CCDC7: variants seen among roughly 807,000 people sequenced by gnomAD.
CCDC7 encodes coiled-coil domain containing 7, also known as coiled-coil domain-containing protein 7.
Under a neutral mutation model 196.9 loss-of-function variants are expected in CCDC7, and 183 were observed. The ratio of observed to expected loss-of-function variants is 0.93; its 90% CI spans 0.82 to 1.05. CCDC7 has a LOEUF of 1.05. Among genes scored for constraint, CCDC7 ranks in the 50% least tolerant of loss-of-function variants. The pLI, the probability that CCDC7 is intolerant of heterozygous loss-of-function variation, is 0.00. For missense variants in CCDC7, 1,540 were observed against 1,482.2 expected (o/e 1.04, Z -0.64); for synonymous variants, 525 against 484.6 (o/e 1.08, Z -1.10).
At chr10:32,548,922 A>G (rs888985525) in intron 13 of CCDC7, among the ~76,000 whole-genome samples, 3 of 152,168 alleles carry the variant, frequency 2.0e-5, no homozygotes, top group Non-Finnish European at 4.4e-5. Flanking sequence ...CTCTGGGTAG[A>G]TACCCAGTAG....
At chr10:32,551,269 G>C (rs1388581758) in intron 13 of CCDC7, among the ~76,000 whole-genome samples, 1 of 151,834 alleles carries the variant, frequency 6.6e-6, no homozygotes, top group Non-Finnish European at 1.5e-5. Flanking sequence ...TTCTTAGTGA[G>C]GTTTTTTGGA....
At chr10:32,491,890 A>G (rs748119200) in intron 8 of CCDC7, 32 bp from the exon 10 acceptor site, 5 of 1,529,552 alleles carry the variant, frequency 3.3e-6, no homozygotes, top group Non-Finnish European at 4.4e-6. Context: ...TATTTATAAA[A>G]CCTTTAACAT....
chr10:32,851,831 C>G lies in CCDC7; in HGVS notation c.3920C>G (p.Pro1307Arg), dbSNP rs1479164484. ...GAGGAAACTTATGAGTACTCTTCAC[C>G]CTATGTGACTGCACCTTCAAAAGCA... The change falls in exon 40 of 42, where the codon CCC becomes CGC. Residue 1307 changes from proline to arginine, a missense_variant. Pro to Arg is a moderately radical substitution (Grantham distance 103). Transcript: ENST00000639629. 1.1e-5 allele frequency: 17 copies of G among 1,611,932 alleles called. No individual in the cohort carries two copies. In the East Asian group the frequency reaches 3.8e-4, roughly 36 times the overall value.
chr10:32,786,381 A>G (rs1195968783), intron 29 of CCDC7, among the ~76,000 whole-genome samples: 1 of 152,224 alleles, frequency 6.6e-6, no homozygotes, highest in African/African-American at 2.4e-5. Context: ...AGAAGTAAGT[A>G]TGGACAAATC....
At chr10:32,538,305 T>C (rs187842598) in intron 11 of CCDC7, among the ~76,000 whole-genome samples, 1 of 152,216 alleles carries the variant, frequency 6.6e-6, no homozygotes, top group African/African-American at 2.4e-5. Context: ...TGTTGTTGTA[T>C]AGGAGTGCTA....
chr10:32,541,426 A>T (rs1027916373), intron 11 of CCDC7, among the ~76,000 whole-genome samples: 4 of 152,060 alleles, frequency 2.6e-5, no homozygotes, highest in Admixed American at 2.0e-4. Context: ...ATTTCCTGGG[A>T]AAACAGGTGG....
At chr10:32,455,123 G>A (rs964944900) in intron 2 of CCDC7, among the ~76,000 whole-genome samples, 1 of 151,982 alleles carries the variant, frequency 6.6e-6, no homozygotes, top group Non-Finnish European at 1.5e-5. Context: ...ACCTGAATGT[G>A]GGTGGAAGAA....
rs202220321 is a variant in CCDC7, at chr10:32,728,967, CAAAT to C, written c.2754_2757del (p.Asn919LeufsTer11). The C allele has an allele frequency of 9.2e-3, 14,751 of 1,601,840 alleles. 112 individuals carry two copies. The highest frequency in any genetic ancestry group is 0.032 in the Middle Eastern group (182 of 5,702). ...AAAACTCCAAATGCAAGAAAAGAAA[CAAAT>C]AAATTCTGGAGTGGAAAGACACAAG... On this transcript the variant is annotated frameshift_variant, in exon 27 of 42. Coordinates refer to ENST00000639629, the Ensembl canonical transcript of CCDC7. LOFTEE classifies it high-confidence loss of function.
At chr10:32,628,060 A>AT (rs1220571732) in intron 18 of CCDC7, among the ~76,000 whole-genome samples, 1 of 151,868 alleles carries the variant, frequency 6.6e-6, no homozygotes, top group African/African-American at 2.4e-5. Context: ...CTCATTTTCA[A>AT]TTTTTTAGAA....
chr10:32,700,581 A>G (rs2078529939), intron 24 of CCDC7, among the ~76,000 whole-genome samples: 2 of 152,192 alleles, frequency 1.3e-5, no homozygotes, highest in Admixed American at 1.3e-4. Flanking sequence ...GTTTACTCCA[A>G]TTCTTTGAAG....
intron 18 of CCDC7, among the ~76,000 whole-genome samples, chr10:32,589,739 G>T (rs1434596021): frequency 1.3e-5 from 2 of 151,862 alleles, no homozygotes; most frequent in Non-Finnish European, 2.9e-5. Context: ...TCCAGTTTTG[G>T]GTGCATATAT....
chr10:32,824,336 A>G (rs1322631443), intron 31 of CCDC7, among the ~76,000 whole-genome samples, 182 bp from the exon 33 acceptor site: 1 of 152,152 alleles, frequency 6.6e-6, no homozygotes, highest in East Asian at 1.9e-4. Flanking sequence ...AATGAGGCTT[A>G]TATGATTGTT....
chr10:32,826,709 T>C (rs1033315940), intron 32 of CCDC7, among the ~76,000 whole-genome samples: 3 of 152,228 alleles, frequency 2.0e-5, no homozygotes, highest in African/African-American at 7.2e-5. Flanking sequence ...GGTTCCCAGA[T>C]GGTTCTGCAT....
intron 9 of CCDC7, among the ~76,000 whole-genome samples, chr10:32,506,161 G>T (rs1311507765): frequency 1.3e-5 from 2 of 148,192 alleles, no homozygotes; most frequent in Non-Finnish European, 3.0e-5. Context: ...GGGCAGAGGC[G>T]CTCCTCACTT....
In CCDC7 at chr10:32,698,051, C is replaced by T. The variant is rs544014951; in HGVS notation, c.2458+3059C>T. 2.0e-5 allele frequency among the ~76,000 whole-genome samples: 3 copies of T among 152,302 alleles called. No homozygotes were observed. The East Asian group carries it at 5.8e-4, about 29-fold the overall frequency. The stretch of plus-strand genomic sequence containing the variant: ...TGTTCTGCAGCCTCCGCTGGTGATA[C>T]CCAGGCAAACAGGGTCTGGAGTGGA... On this transcript the variant is annotated intron_variant, in intron 24 of 41. Coordinates refer to ENST00000639629, the Ensembl canonical transcript of CCDC7.
chr10:32,758,533 T>G (rs1176940520), intron 28 of CCDC7, among the ~76,000 whole-genome samples: 1 of 152,152 alleles, frequency 6.6e-6, no homozygotes, highest in Admixed American at 6.5e-5. Context: ...AAAAGGCCTT[T>G]GACAAAATTC....
At chr10:32,699,846 T>A (rs2078361443) in intron 24 of CCDC7, among the ~76,000 whole-genome samples, 2 of 149,666 alleles carry the variant, frequency 1.3e-5, no homozygotes, top group East Asian at 3.8e-4. Context: ...ACTGCATAAA[T>A]GTCTTCTTTT....
intron 28 of CCDC7, among the ~76,000 whole-genome samples, chr10:32,740,106 G>A (rs1292565570): frequency 6.6e-6 from 1 of 152,108 alleles, no homozygotes; most frequent in Non-Finnish European, 1.5e-5. Flanking sequence ...GCCCTTAGGT[G>A]AACAGGAGGT....
At chr10:32,681,784 CA>C (rs2075895398) in intron 21 of CCDC7, among the ~76,000 whole-genome samples, 1 of 145,690 alleles carries the variant, frequency 6.9e-6, no homozygotes, top group African/African-American at 2.5e-5. Context: ...CACACACACA[CA>C]GCTTCATACA....
Sources: allele counts gnomAD v4.1 joint callset (sites outside exome capture counted in the v4.1 genomes callset), GRCh38; gene constraint gnomAD v4.1.1; transcripts MANE v1.5; gene names NCBI Gene and HGNC (gene_info 2026-07-23, HGNC 2026-07-21).